Variants in PDE4B observed in about 807,000 individuals in gnomAD.
PDE4B encodes the protein 3',5'-cyclic-AMP phosphodiesterase 4B.
A neutral mutation model predicts 82.2 loss-of-function variants in PDE4B; 20 were observed. That is an observed-to-expected ratio of 0.24 (90% CI 0.17 to 0.35). The LOEUF (loss-of-function observed/expected upper bound fraction) is 0.35. Ranked by LOEUF, PDE4B falls within the 10% of genes least tolerant of loss-of-function variation. The pLI is 1.00. For missense variants in PDE4B, 655 were observed against 907.2 expected, an observed-to-expected ratio of 0.72 and a Z score of 3.57; for synonymous variants, 320 against 318.9, an observed-to-expected ratio of 1.00 and a Z score of -0.04.
intron 1 of PDE4B, among the ~76,000 whole-genome samples, chr1:65,904,395 T>C (rs571485327): frequency 1.3e-5 from 2 of 152,334 alleles, no homozygotes; most frequent in East Asian, 3.9e-4. Context: ...CAAATTATTA[T>C]GCTTTTTAAG....
chr1:66,175,998 T>C (rs569262780), intron 3 of PDE4B, among the ~76,000 whole-genome samples: 7 of 152,318 alleles, frequency 4.6e-5, no homozygotes, highest in African/African-American at 1.7e-4. Context: ...CACATTCTTA[T>C]TCAGTTTAAA....
At chr1:66,001,349 A>G (rs1456041469) in intron 3 of PDE4B, among the ~76,000 whole-genome samples, 1 of 152,124 alleles carries the variant, frequency 6.6e-6, no homozygotes, top group Admixed American at 6.6e-5. Flanking sequence ...TGTTTTCTTT[A>G]TGTTGAAGAG....
At position 66,361,693 on chromosome 1, in the gene PDE4B, A is replaced by G; in HGVS notation, c.920A>G (p.Gln307Arg). Reference sequence around the variant, plus strand: ...AAGAAAAAGCAGCAGCTCATGACCCAGATAAGTGGAGTGAAGAAATTAATG... The same window carrying G: ...AAGAAAAAGCAGCAGCTCATGACCCGGATAAGTGGAGTGAAGAAATTAATG... ...EKKKKQQLMT[Q>R]ISGVKKLMHS... Residue 307 changes from glutamine (Q) to arginine (R), a missense_variant, in exon 10 of 17, where the codon CAG becomes CGG. Physicochemically the swap from Gln to Arg is conservative, Grantham distance 43. Transcript: ENST00000341517. 6.2e-7 allele frequency: 1 copy of G among 1,613,594 alleles called. No individual in the cohort carries two copies. Among genetic ancestry groups the G allele is most frequent in the East Asian group, 2.2e-5 (1 of 44,862 alleles).
intron 3 of PDE4B, among the ~76,000 whole-genome samples, chr1:66,042,896 G>A (rs1334672889): frequency 6.6e-6 from 1 of 151,750 alleles, no homozygotes; most frequent in African/African-American, 2.4e-5. Context: ...AGTCCAGTAA[G>A]CCATGAATCA....
At position 66,304,411 on chromosome 1, in the gene PDE4B, T is replaced by C. The variant is rs555571808; in HGVS notation, c.635-28097T>C. 7.2e-5 allele frequency among the ~76,000 whole-genome samples: 11 copies of C among 152,280 alleles called. 1 individual carries two copies. In the South Asian group the frequency reaches 8.3e-4, roughly 11 times the overall value. The stretch of plus-strand genomic sequence containing the variant: ...ACCTATCAATTCCCATTTTTACTCT[T>C]TCATTTCCTTCTGGAAATCTTTCCT... On this transcript the variant is annotated intron_variant, in intron 7 of 16. Coordinates refer to ENST00000341517, the MANE Select transcript of PDE4B (RefSeq NM_002600.4).
chr1:66,069,519 A>G (rs77873245), intron 3 of PDE4B, among the ~76,000 whole-genome samples: 14 of 152,106 alleles, frequency 9.2e-5, no homozygotes, highest in Non-Finnish European at 1.8e-4. Flanking sequence ...TTTGCATTAT[A>G]CTATTTTCTA....
At chr1:66,338,756 C>T (rs1022937379) in intron 8 of PDE4B, among the ~76,000 whole-genome samples, 4 of 152,162 alleles carry the variant, frequency 2.6e-5, no homozygotes, top group Non-Finnish European at 5.9e-5. Flanking sequence ...CGGTGGCTCA[C>T]GCCTGTAATC....
At chr1:66,209,370 A>G (rs1322055810) in intron 3 of PDE4B, among the ~76,000 whole-genome samples, 1 of 152,158 alleles carries the variant, frequency 6.6e-6, no homozygotes, top group African/African-American at 2.4e-5. Context: ...TATCTGCAGT[A>G]ATTTTCCCAG....
chr1:66,346,351 A>C (rs1557716519), intron 8 of PDE4B, among the ~76,000 whole-genome samples: 1 of 152,216 alleles, frequency 6.6e-6, no homozygotes, highest in African/African-American at 2.4e-5. Context: ...TCAATAGATA[A>C]AAAGTTGTAA....
chr1:65,868,475 G>A (rs1200147077), intron 1 of PDE4B, among the ~76,000 whole-genome samples: 3 of 152,284 alleles, frequency 2.0e-5, no homozygotes, highest in Admixed American at 1.3e-4. Flanking sequence ...TTGAGTTGAC[G>A]TTTTATTTCC....
chr1:66,215,052 A>G (rs1231640315), intron 3 of PDE4B, among the ~76,000 whole-genome samples: 1 of 152,146 alleles, frequency 6.6e-6, no homozygotes, highest in African/African-American at 2.4e-5. Context: ...GAAACTTGCT[A>G]TGACAGGTGA....
At chr1:65,944,413 T>A (rs892958080) in intron 3 of PDE4B, among the ~76,000 whole-genome samples, 1 of 152,048 alleles carries the variant, frequency 6.6e-6, no homozygotes, top group South Asian at 2.1e-4. Context: ...TATTGGCCTG[T>A]AATTTTCTCT....
At chr1:66,077,222 C>A (rs1656479451) in intron 3 of PDE4B, among the ~76,000 whole-genome samples, 1 of 152,060 alleles carries the variant, frequency 6.6e-6, no homozygotes, top group African/African-American at 2.4e-5. Context: ...TTTCATTCTT[C>A]TAGGTCTGAT....
chr1:66,275,523 G>A (rs1655817828), intron 7 of PDE4B, among the ~76,000 whole-genome samples: 1 of 152,198 alleles, frequency 6.6e-6, no homozygotes, highest in Admixed American at 6.5e-5. Flanking sequence ...TATTGGAAGG[G>A]AGGGAGATAA....
intron 3 of PDE4B, among the ~76,000 whole-genome samples, chr1:65,928,031 G>T (rs1247713472): frequency 6.6e-6 from 1 of 152,150 alleles, no homozygotes; most frequent in Admixed American, 6.5e-5. Context: ...ATCAATGTCA[G>T]CTCAGAGCCA....
At chr1:65,911,456 G>A (rs184901469) in intron 1 of PDE4B, among the ~76,000 whole-genome samples, 7 of 150,972 alleles carry the variant, frequency 4.6e-5, no homozygotes, top group African/African-American at 1.7e-4. Flanking sequence ...AGTATGTATA[G>A]TTTTATATCC....
chr1:66,010,784 C>G (rs1242197834), intron 3 of PDE4B, among the ~76,000 whole-genome samples: 1 of 146,516 alleles, frequency 6.8e-6, no homozygotes, highest in Non-Finnish European at 1.5e-5. Flanking sequence ...CTCCTTGCTT[C>G]AACAATATTG....
intron 3 of PDE4B, among the ~76,000 whole-genome samples, chr1:66,168,111 T>C (rs572932562): frequency 5.7e-4 from 87 of 152,348 alleles, no homozygotes; most frequent in African/African-American, 1.9e-3. Context: ...AACTATCTTC[T>C]TTCTCATTAG....
intron 3 of PDE4B, among the ~76,000 whole-genome samples, chr1:66,070,024 C>G (rs144216943): frequency 2.6e-5 from 4 of 152,002 alleles, no homozygotes; most frequent in Admixed American, 2.6e-4. Flanking sequence ...GTTTGCTCAT[C>G]GAGGGGGACT....
Sources: gnomAD v4.1 joint callset for allele counts (sites outside exome capture counted in the v4.1 genomes callset) on GRCh38, gnomAD v4.1.1 for gene constraint, MANE v1.5 for transcripts, NCBI Gene and HGNC (gene_info 2026-07-23, HGNC 2026-07-21) for gene names.